LRRTM4: variants seen among roughly 807,000 people sequenced by gnomAD.
LRRTM4 encodes leucine-rich repeat transmembrane neuronal protein 4.
LRRTM4 carries 25 observed loss-of-function variants against 47.6 expected under a neutral mutation model. The observed-to-expected ratio is 0.53, with a 90% CI of 0.38 to 0.73. The LOEUF is 0.73. Among genes scored for constraint, LRRTM4 ranks in the 30% least tolerant of loss-of-function variants. The pLI is 0.00. For synonymous variants in LRRTM4, 311 were observed against 269.5 expected (o/e 1.15, Z -1.51); for missense variants, 638 against 713.4 (o/e 0.89, Z 1.20).
intron 3 of LRRTM4, among the ~76,000 whole-genome samples, chr2:77,133,698 T>A (rs563053900): frequency 1.4e-4 from 22 of 152,174 alleles, no homozygotes; most frequent in Non-Finnish European, 3.1e-4. Flanking sequence ...TGGATATACA[T>A]ACAACCTGGT....
At chr2:77,041,440 G>A (rs1679029258) in intron 3 of LRRTM4, among the ~76,000 whole-genome samples, 1 of 151,422 alleles carries the variant, frequency 6.6e-6, no homozygotes. Flanking sequence ...ACCTACTAGT[G>A]AGACAGCCAG....
intron 3 of LRRTM4, among the ~76,000 whole-genome samples, chr2:76,884,831 T>C (rs1020550830): frequency 2.6e-5 from 4 of 152,108 alleles, no homozygotes; most frequent in African/African-American, 7.2e-5. Flanking sequence ...ATAAAAATAT[T>C]CATCAGTGAA....
intron 3 of LRRTM4, among the ~76,000 whole-genome samples, chr2:77,240,396 A>G (rs1222480130): frequency 1.3e-5 from 2 of 151,822 alleles, no homozygotes; most frequent in Non-Finnish European, 2.9e-5. Flanking sequence ...TTGCTGAAGA[A>G]CTCTTTAATT....
At chr2:77,023,287 C>T (rs1487132398) in intron 3 of LRRTM4, among the ~76,000 whole-genome samples, 1 of 152,184 alleles carries the variant, frequency 6.6e-6, no homozygotes, top group Non-Finnish European at 1.5e-5. Flanking sequence ...TTTTTTCCTC[C>T]TAGATCTCTG....
chr2:77,042,417 T>C (rs1449378959), intron 3 of LRRTM4, among the ~76,000 whole-genome samples: 1 of 151,536 alleles, frequency 6.6e-6, no homozygotes, highest in African/African-American at 2.4e-5. Context: ...ACATAAAAAG[T>C]TATTTTTTAA....
intron 3 of LRRTM4, among the ~76,000 whole-genome samples, chr2:76,988,706 G>A (rs1676894631): frequency 6.6e-6 from 1 of 151,768 alleles, no homozygotes; most frequent in East Asian, 1.9e-4. Context: ...AAATATTTCT[G>A]TTCTCCAAGA....
intron 3 of LRRTM4, among the ~76,000 whole-genome samples, chr2:77,260,690 T>A (rs1675896861): frequency 1.4e-5 from 2 of 145,216 alleles, no homozygotes; most frequent in Admixed American, 6.6e-5. Flanking sequence ...ATAAATGCTG[T>A]CAAAACATAG....
intron 3 of LRRTM4, among the ~76,000 whole-genome samples, chr2:76,873,229 T>C (rs1193956941): frequency 1.3e-5 from 2 of 151,962 alleles, no homozygotes; most frequent in African/African-American, 2.4e-5. Context: ...AAGAAGGAAA[T>C]TGAATTATCA....
chr2:77,139,205 C>T (rs1018878124), intron 3 of LRRTM4, among the ~76,000 whole-genome samples: 7 of 152,090 alleles, frequency 4.6e-5, no homozygotes, highest in Admixed American at 2.6e-4. Context: ...CCCTGATGAA[C>T]ATTGATGCAA....
intron 3 of LRRTM4, among the ~76,000 whole-genome samples, chr2:76,797,820 T>C (rs1340997426): frequency 6.6e-6 from 1 of 151,262 alleles, no homozygotes; most frequent in African/African-American, 2.4e-5. Flanking sequence ...GCAATCCTAG[T>C]CTCTGATAAA....
At chr2:76,906,452 A>C (rs1673843180) in intron 3 of LRRTM4, among the ~76,000 whole-genome samples, 1 of 152,118 alleles carries the variant, frequency 6.6e-6, no homozygotes, top group South Asian at 2.1e-4. Flanking sequence ...CGAGCAAAAT[A>C]ACCAGCTAAC....
intron 3 of LRRTM4, among the ~76,000 whole-genome samples, chr2:76,913,561 A>G (rs924741193): frequency 1.6e-5 from 1 of 61,514 alleles, no homozygotes; most frequent in African/African-American, 8.7e-5. Flanking sequence ...TTTTTTTGAG[A>G]CAGAGTCTTG....
At chr2:76,814,940 G>C (rs1440176705) in intron 3 of LRRTM4, among the ~76,000 whole-genome samples, 1 of 151,958 alleles carries the variant, frequency 6.6e-6, no homozygotes, top group Non-Finnish European at 1.5e-5. Flanking sequence ...ATATGCATTT[G>C]CATTTGTATG....
At chr2:77,083,482 T>C (rs1680597086) in intron 3 of LRRTM4, among the ~76,000 whole-genome samples, 2 of 152,086 alleles carry the variant, frequency 1.3e-5, no homozygotes. Context: ...ATTTTAACAG[T>C]GGAAACCAGT....
At chr2:77,271,854 A>G (rs572056320) in intron 3 of LRRTM4, among the ~76,000 whole-genome samples, 2 of 152,298 alleles carry the variant, frequency 1.3e-5, no homozygotes, top group South Asian at 2.1e-4. Flanking sequence ...CTACGAAAAT[A>G]TGCCTCCACC....
In LRRTM4 at chr2:77,071,395, C is replaced by A. The variant is rs552584239; in HGVS notation, c.1552-322479G>T. On this transcript the variant is annotated intron_variant, in intron 3 of 3. Coordinates refer to ENST00000409884, the MANE Select transcript of LRRTM4 (RefSeq NM_001134745.3). ...CCAATATGCATTATTATAATAAATA[C>A]AATGAAAATTGAAAATTTATGAGTG... Among the ~76,000 whole-genome samples, 20 of 152,046 alleles carry A rather than the reference C, an allele frequency of 1.3e-4. 1 individual carries two copies. In the East Asian group the frequency reaches 3.9e-3, roughly 29 times the overall value.
intron 3 of LRRTM4, among the ~76,000 whole-genome samples, chr2:76,819,079 A>G (rs182992645): frequency 2.0e-3 from 310 of 151,948 alleles, no homozygotes; most frequent in African/African-American, 7.2e-3. Flanking sequence ...CTAAAACTCC[A>G]TATTACTTTC....
chr2:77,122,274 G>A (rs887728066), intron 3 of LRRTM4, among the ~76,000 whole-genome samples: 2 of 151,396 alleles, frequency 1.3e-5, no homozygotes, highest in Non-Finnish European at 3.0e-5. Context: ...GCAACATCAA[G>A]TACATTAAGA....
chr2:77,115,561 C>A (rs545214636), intron 3 of LRRTM4, among the ~76,000 whole-genome samples: 1 of 152,112 alleles, frequency 6.6e-6, no homozygotes, highest in Admixed American at 6.5e-5. Flanking sequence ...TGCCTTGCCT[C>A]CAGCCGGTCC....
Sources: gnomAD v4.1 joint callset for allele counts (sites outside exome capture counted in the v4.1 genomes callset) on GRCh38, gnomAD v4.1.1 for gene constraint, MANE v1.5 for transcripts, NCBI Gene and HGNC (gene_info 2026-07-23, HGNC 2026-07-21) for gene names.